Variants in PAX3 observed in about 807,000 individuals in gnomAD.
The protein encoded by PAX3 is paired box 3, also known as paired box protein Pax-3.
In PAX3, 14 loss-of-function variants were observed where a neutral mutation model predicts 51.6. The observed-to-expected ratio is 0.27, with a 90% confidence interval of 0.18 to 0.42. The LOEUF is 0.42. Ranked by LOEUF, PAX3 falls within the 10% of genes least tolerant of loss-of-function variation. The probability of loss-of-function intolerance (pLI) is 1.00; values close to 1 mark genes in which losing one functional copy is unlikely to be tolerated. For synonymous variants in PAX3, 280 were observed against 253.4 expected, an observed-to-expected ratio of 1.11 and a Z score of -1.00; for missense variants, 540 against 642.8, an observed-to-expected ratio of 0.84 and a Z score of 1.73.
chr2:222,260,254 G>GAA lies in PAX3; in HGVS notation c.587-27973_587-27972dup, dbSNP rs76791724. Among the ~76,000 whole-genome samples, 734 of 150,520 alleles carry GAA rather than the reference G, an allele frequency of 4.9e-3. 8 individuals carry two copies. The highest frequency in any genetic ancestry group is 0.017 in the African/African-American group (692 of 41,048). ...GAAGTGGCAAATTAAGACTACATGT[G>GAA]AAAAAAAAACTATAGAAAAATAAGA... is the stretch of plus-strand genomic sequence containing the variant. On this transcript the variant is annotated intron_variant, in intron 4 of 8. Coordinates refer to ENST00000392070, the MANE Select transcript of PAX3 (RefSeq NM_181458.4).
intron 2 of PAX3, among the ~76,000 whole-genome samples, 163 bp from the exon 3 acceptor site, chr2:222,295,820 G>C (rs558205363): frequency 2.0e-5 from 3 of 152,164 alleles, no homozygotes; most frequent in Non-Finnish European, 4.4e-5. Flanking sequence ...CTTTAGAAAG[G>C]GGCAGACCAG....
intron 7 of PAX3, among the ~76,000 whole-genome samples, chr2:222,208,004 T>C (rs945379033): frequency 2.7e-5 from 2 of 74,492 alleles, no homozygotes; most frequent in African/African-American, 6.4e-5. Context: ...TATGTGTGTG[T>C]ATATATATAT....
chr2:222,206,354 G>A (rs571911843), intron 7 of PAX3, among the ~76,000 whole-genome samples: 35 of 151,574 alleles, frequency 2.3e-4, no homozygotes, highest in African/African-American at 8.2e-4. Flanking sequence ...AAGGAAGCAA[G>A]GAGAACTCTT....
At chr2:222,231,885 G>A (rs1692608997) in intron 5 of PAX3, among the ~76,000 whole-genome samples, 193 bp downstream of exon 5, 1 of 152,198 alleles carries the variant, frequency 6.6e-6, no homozygotes, top group African/African-American at 2.4e-5. Context: ...ATGAAGTGGT[G>A]GACTTCTGTG....
rs1459427217 is a variant in PAX3, at chr2:222,295,532, C to A, written c.447G>T (p.Pro149=). The A allele has an allele frequency of 3.1e-6, 5 of 1,614,238 alleles. No individual in the cohort carries two copies. Among genetic ancestry groups the A allele is most frequent in the African/African-American group, 1.3e-5 (1 of 75,068 alleles). Residue 149 remains proline, a synonymous_variant, in exon 3 of 9, where the codon CCG becomes CCT. Coordinates refer to ENST00000392070, the MANE Select transcript of PAX3 (RefSeq NM_181458.4). ...KDAVCDRNTV[P]SVSSISRILR... ...AGAGGTTAATGGGCCTAGTACCTGA[C>A]GGCACGGTGTTTCGATCACAGACCG...
At chr2:222,217,783 T>C (rs537327492) in intron 7 of PAX3, among the ~76,000 whole-genome samples, 2 of 152,288 alleles carry the variant, frequency 1.3e-5, no homozygotes, top group South Asian at 4.1e-4. Context: ...CATTTTTCTT[T>C]AAAATATTTT....
At chr2:222,230,404 G>T (rs1410015492) in intron 5 of PAX3, among the ~76,000 whole-genome samples, 1 of 145,382 alleles carries the variant, frequency 6.9e-6, no homozygotes, top group African/African-American at 2.6e-5. Context: ...ACACACCAGG[G>T]CCTGTTGGGG....
chr2:222,256,120 T>G (rs561294743), intron 4 of PAX3, among the ~76,000 whole-genome samples: 1 of 151,984 alleles, frequency 6.6e-6, no homozygotes, highest in Non-Finnish European at 1.5e-5. Context: ...AGGATGAGCT[T>G]TGTTTTGTAC....
chr2:222,259,088 C>T (rs529532789), intron 4 of PAX3, among the ~76,000 whole-genome samples: 17 of 152,208 alleles, frequency 1.1e-4, no homozygotes, highest in African/African-American at 3.6e-4. Context: ...TTTCAAGTTT[C>T]CTCAACTAAA....
intron 4 of PAX3, among the ~76,000 whole-genome samples, chr2:222,265,759 T>A (rs1365275612): frequency 1.3e-5 from 2 of 152,170 alleles, no homozygotes; most frequent in African/African-American, 2.4e-5. Flanking sequence ...ATGTAGCAAG[T>A]CAGACTTTTA....
At chr2:222,209,292 A>G (rs1445319261) in intron 7 of PAX3, among the ~76,000 whole-genome samples, 1 of 152,196 alleles carries the variant, frequency 6.6e-6, no homozygotes, top group African/African-American at 2.4e-5. Context: ...GCATCTATGA[A>G]ATGTCTGAAG....
At chr2:222,205,209 CCT>C (rs1691459698) in intron 7 of PAX3, among the ~76,000 whole-genome samples, 2 of 152,002 alleles carry the variant, frequency 1.3e-5, no homozygotes, top group East Asian at 3.9e-4. Context: ...GAGAAGATAC[CCT>C]GTTTGCAGAG....
chr2:222,224,423 C>A (rs1351105509), intron 5 of PAX3, among the ~76,000 whole-genome samples: 1 of 152,194 alleles, frequency 6.6e-6, no homozygotes, highest in Admixed American at 6.5e-5. Context: ...TTTTTATCAT[C>A]TTACCATTGC....
chr2:222,288,895 A>G (rs868051100), intron 4 of PAX3, among the ~76,000 whole-genome samples: 2 of 152,374 alleles, frequency 1.3e-5, no homozygotes, highest in Admixed American at 6.5e-5. Flanking sequence ...TTTGATCTCT[A>G]TGGTTAAGAA....
chr2:222,275,519 A>T (rs1694388422), intron 4 of PAX3, among the ~76,000 whole-genome samples: 1 of 152,176 alleles, frequency 6.6e-6, no homozygotes. Flanking sequence ...TAAAAAGTGT[A>T]ATATTTGAAT....
rs777465693 is a variant in PAX3, at chr2:222,201,415, A to G, written c.1448T>C (p.Ile483Thr). 2.5e-6 allele frequency: 4 copies of G among 1,613,878 alleles called. No individual in the cohort carries two copies. The highest frequency in any genetic ancestry group is 1.1e-5 in the South Asian group (1 of 91,074). Reference sequence around the variant, plus strand: ...TCCAAGTGGACAGTTCACTTACGCGATATCTGGCTTGAGATAATGAAAGGC... The same window carrying G: ...TCCAAGTGGACAGTTCACTTACGCGGTATCTGGCTTGAGATAATGAAAGGC... ...QSAFHYLKPD[I>T]A The change falls in exon 9 of 9, where the codon ATC becomes ACC. Residue 483 changes from isoleucine to threonine, a missense_variant. Around this residue, in one of 3 missense-constraint regions of PAX3, gnomAD observed 427 missense variants for 483.6 expected, o/e 0.88. Transcript: ENST00000392070.
rs368896993 is a variant in PAX3, at chr2:222,220,378, C to T, written c.959-24G>A. On this transcript the variant is annotated intron_variant, in intron 6 of 8. Transcript: ENST00000392070. Reference sequence around the variant, plus strand: ...AGCTGAAATGAAAAAGATTGTCAACCATCATGTTTTCTTTTAGGCCAGCAG... The same window carrying T: ...AGCTGAAATGAAAAAGATTGTCAACTATCATGTTTTCTTTTAGGCCAGCAG... 6 of 1,611,018 alleles carry T rather than the reference C, an allele frequency of 3.7e-6. No individual in the cohort carries two copies. The African/African-American group carries it at 8.0e-5, about 21-fold the overall frequency.
chr2:222,260,198 T>C (rs4674640), intron 4 of PAX3, among the ~76,000 whole-genome samples: 1,994 of 152,166 alleles, frequency 0.013, 40 homozygotes, highest in African/African-American at 0.044. Flanking sequence ...GATGGGGAAC[T>C]GAATGCTCTT....
intron 4 of PAX3, among the ~76,000 whole-genome samples, chr2:222,237,174 G>T (rs1292002178): frequency 6.6e-6 from 1 of 152,058 alleles, no homozygotes; most frequent in African/African-American, 2.4e-5. Context: ...CCACTGTACA[G>T]AAAAAGGAAA....
Sources: gnomAD v4.1 joint callset for allele counts (sites outside exome capture counted in the v4.1 genomes callset) on GRCh38, gnomAD v4.1.1 for gene constraint, gnomAD v4.1.1 regional missense constraint, MANE v1.5 for transcripts, NCBI Gene and HGNC (gene_info 2026-07-23, HGNC 2026-07-21) for gene names.